ABHD5: variants seen among roughly 807,000 people sequenced by gnomAD.
The protein encoded by ABHD5 is abhydrolase domain containing 5, lysophosphatidic acid acyltransferase.
A neutral mutation model predicts 44.9 loss-of-function variants in ABHD5; 30 were observed. That is an observed-to-expected ratio of 0.67 (90% CI 0.50 to 0.91). The LOEUF is 0.91. Ranked by LOEUF, ABHD5 falls within the 40% of genes least tolerant of loss-of-function variation. The pLI is 0.00. For synonymous variants in ABHD5, 167 were observed against 147.0 expected (o/e 1.14, Z -0.99); for missense variants, 399 against 423.4 (o/e 0.94, Z 0.50).
At chr3:43,730,828 G>T (rs946134337) in intron 7 of ABHD5, among the ~76,000 whole-genome samples, 9 of 147,792 alleles carry the variant, frequency 6.1e-5, no homozygotes, top group Non-Finnish European at 1.0e-4. Flanking sequence ...TTGTTTTTTT[G>T]TTTGTTTGTT....
At chr3:43,704,125 C>T (rs970080327) in intron 3 of ABHD5, among the ~76,000 whole-genome samples, 11 of 150,658 alleles carry the variant, frequency 7.3e-5, no homozygotes, top group East Asian at 5.9e-4. Context: ...CCGCAACCTC[C>T]GTCTCCCAGG....
At chr3:43,699,687 T>C in intron 2 of ABHD5, 1 of 208,832 alleles carries the variant, frequency 4.8e-6, no homozygotes, top group South Asian at 7.6e-5. Context: ...GTTAATTTAT[T>C]AATTTCTTTA....
chr3:43,701,185 A>G (rs1043234186), intron 2 of ABHD5, among the ~76,000 whole-genome samples: 1 of 152,218 alleles, frequency 6.6e-6, no homozygotes, highest in Non-Finnish European at 1.5e-5. Context: ...ACACAGACGT[A>G]TGTGTTCAAA....
chr3:43,700,138 T>C (rs1306462923), intron 2 of ABHD5, among the ~76,000 whole-genome samples: 1 of 152,242 alleles, frequency 6.6e-6, no homozygotes, highest in Non-Finnish European at 1.5e-5. Flanking sequence ...CAAGTCACTT[T>C]GCTCAGCTTC....
intron 6 of ABHD5, 151 bp downstream of exon 6, chr3:43,718,008 T>C: frequency 1.0e-6 from 1 of 980,816 alleles, no homozygotes; most frequent in South Asian, 1.5e-5. Context: ...CTGTGATGGG[T>C]GCAGGGTTTG....
intron 2 of ABHD5, chr3:43,699,828 C>A (rs1018937608): frequency 5.5e-5 from 9 of 165,128 alleles, no homozygotes; most frequent in African/African-American, 2.2e-4. Flanking sequence ...AAGGTTGCTG[C>A]TTCTGCTTTC....
intron 1 of ABHD5, among the ~76,000 whole-genome samples, chr3:43,693,939 C>T (rs2084436477): frequency 6.6e-6 from 1 of 151,972 alleles, no homozygotes; most frequent in Non-Finnish European, 1.5e-5. Context: ...ATGTTTGTGC[C>T]TGATTCCTCA....
At chr3:43,718,163 T>A (rs996903165) in intron 6 of ABHD5, among the ~76,000 whole-genome samples, 2 of 152,180 alleles carry the variant, frequency 1.3e-5, no homozygotes, top group Non-Finnish European at 1.5e-5. Flanking sequence ...GGCAGCACAC[T>A]CTCACTTTTT....
intron 3 of ABHD5, among the ~76,000 whole-genome samples, chr3:43,703,177 T>G (rs1254294166): frequency 1.2e-5 from 1 of 86,504 alleles, no homozygotes; most frequent in Non-Finnish European, 2.2e-5. Flanking sequence ...ATCTCCTTTC[T>G]TTAACTTTTT....
exon 8 of ABHD5, chr3:43,734,081 T>A (rs185068608): frequency 6.6e-6 from 1 of 152,446 alleles, no homozygotes; most frequent in Admixed American, 6.5e-5. Flanking sequence ...ATGGATGCTG[T>A]CAGTAGATGC....
intron 7 of ABHD5, among the ~76,000 whole-genome samples, chr3:43,731,518 T>C (rs2084912366): frequency 6.6e-6 from 1 of 152,044 alleles, no homozygotes; most frequent in Admixed American, 6.6e-5. Flanking sequence ...AATAAAAGCG[T>C]GGGGCTGCTT....
At chr3:43,727,985 G>A (rs924587225) in intron 7 of ABHD5, among the ~76,000 whole-genome samples, 1 of 152,124 alleles carries the variant, frequency 6.6e-6, no homozygotes, top group Non-Finnish European at 1.5e-5. Flanking sequence ...ATCTTGTCTG[G>A]AAACCACCAT....
rs2084837040 is a variant in ABHD5, at chr3:43,721,572, A to G, written c.*3040A>G. ...TAGGACTGGCTCTACCAAAAAAAAAAAAAAAAAAAAATTAAGTACCTGGCC... is the reference window on the plus strand; with the variant it reads ...TAGGACTGGCTCTACCAAAAAAAAAGAAAAAAAAAAATTAAGTACCTGGCC... On this transcript the variant is annotated 3_prime_UTR_variant, in exon 7 of 7. Transcript: ENST00000644371. The G allele has an allele frequency of 6.6e-6, 1 of 151,770 alleles. No homozygotes were observed. The highest frequency in any genetic ancestry group is 6.6e-5 in the Admixed American group (1 of 15,226). The allele number at this position is 151,770 out of a possible 1,614,324, so 9.4% of individuals were successfully genotyped here. A position where few individuals can be genotyped will look rare whatever the true frequency, so the allele number is the denominator to read the frequency against.
upstream of ABHD5, chr3:43,690,930 G>T (rs954223579): frequency 5.9e-6 from 9 of 1,521,460 alleles, no homozygotes; most frequent in African/African-American, 1.1e-4. Flanking sequence ...GCCAGCCCGG[G>T]GCGGCCCAGT....
intron 3 of ABHD5, among the ~76,000 whole-genome samples, chr3:43,707,961 T>A (rs1190283659): frequency 6.6e-6 from 1 of 152,180 alleles, no homozygotes; most frequent in Non-Finnish European, 1.5e-5. Context: ...TATTTCTGAC[T>A]GGTGGCTGTC....
intron 7 of ABHD5, among the ~76,000 whole-genome samples, chr3:43,731,848 TAAATA>T (rs2084914758): frequency 6.6e-6 from 1 of 151,590 alleles, no homozygotes; most frequent in East Asian, 1.9e-4. Flanking sequence ...AATAAATAAA[TAAATA>T]AAAATTAAAA....
intron 3 of ABHD5, among the ~76,000 whole-genome samples, chr3:43,705,381 C>T (rs1007857399): frequency 4.6e-5 from 7 of 152,106 alleles, no homozygotes; most frequent in Middle Eastern, 3.4e-3. Flanking sequence ...AACAAGTTAC[C>T]GTGGAAATAA....
At position 43,702,309 on chromosome 3, in the gene ABHD5, T is replaced by G. The variant is rs377718797; in HGVS notation, c.228T>G (p.Thr76=). Residue 76 remains threonine, a synonymous_variant, in exon 3 of 7, where the codon ACT becomes ACG. Transcript: ENST00000644371. ...TCTCTCATAATATTTCAAATAAGAC[T>G]CCACTTGTCCTTCTCCATGGTTTTG... The part of the protein sequence containing the change: ...LKFSHNISNK[T]PLVLLHGFGG... 43 of 1,608,870 alleles carry G rather than the reference T, an allele frequency of 2.7e-5. No individual in the cohort carries two copies. The highest frequency in any genetic ancestry group is 2.9e-5 in the Non-Finnish European group (34 of 1,176,030).
intron 1 of ABHD5, among the ~76,000 whole-genome samples, chr3:43,694,626 G>A (rs1224283631): frequency 6.6e-6 from 1 of 152,004 alleles, no homozygotes; most frequent in Non-Finnish European, 1.5e-5. Context: ...AAGGAAGGTA[G>A]GAAACAATGG....
Sources: gnomAD v4.1 joint callset for allele counts (sites outside exome capture counted in the v4.1 genomes callset) on GRCh38, gnomAD v4.1.1 for gene constraint, MANE v1.5 for transcripts, NCBI Gene and HGNC (gene_info 2026-07-23, HGNC 2026-07-21) for gene names.